The following TAF1 variants were observed in gnomAD, a reference collection of about 807,000 sequenced individuals.
TAF1 encodes TATA-box binding protein associated factor 1, also known as transcription initiation factor TFIID subunit 1.
In TAF1, 2 loss-of-function variants were observed where a neutral mutation model predicts 138.5. The observed-to-expected ratio is 0.01, with a 90% CI of 0.01 to 0.05. The LOEUF is 0.05. Among genes scored for constraint, TAF1 ranks in the 10% least tolerant of loss-of-function variants. TAF1 has a pLI of 1.00. For missense variants in TAF1, 709 were observed against 1,478.0 expected, an observed-to-expected ratio of 0.48 and a Z score of 8.53; for synonymous variants, 437 against 503.2, an observed-to-expected ratio of 0.87 and a Z score of 1.76.
chrX:71,443,528 G>T (rs2037534366), intron 32 of TAF1, among the ~76,000 whole-genome samples: 1 of 111,682 alleles, frequency 9.0e-6, no homozygotes, highest in African/African-American at 3.3e-5. Flanking sequence ...CTGAGACTTT[G>T]CTGAAGTTGC....
intron 13 of TAF1, among the ~76,000 whole-genome samples, chrX:71,490,733 T>C (rs754096610): frequency 3.8e-4 from 39 of 103,836 alleles, no homozygotes; most frequent in Middle Eastern, 9.8e-3. Flanking sequence ...CATTTTCTCT[T>C]TTTTTTTTTT....
intron 32 of TAF1, among the ~76,000 whole-genome samples, chrX:71,440,327 AAACATTTACTCATTG>A (rs2037350014): frequency 8.9e-6 from 1 of 111,895 alleles, no homozygotes; most frequent in African/African-American, 3.2e-5. Flanking sequence ...GCGTTTGTTC[AAACATTTACTCATTG>A]AAGGACATTC....
chrX:71,491,054 T>G (rs1173556978), intron 13 of TAF1: 84 of 99,844 alleles, frequency 8.4e-4, no homozygotes, highest in African/African-American at 2.7e-3. Context: ...TTTTTTTTTT[T>G]TTTTTTTTTT....
At chrX:71,427,627 G>A (rs952938578) in intron 32 of TAF1, among the ~76,000 whole-genome samples, 1 of 111,802 alleles carries the variant, frequency 8.9e-6, no homozygotes, top group Admixed American at 9.5e-5. Context: ...TAAATATTCT[G>A]TTGCACTAGT....
intron 32 of TAF1, among the ~76,000 whole-genome samples, chrX:71,428,026 T>C (rs1238167819): frequency 1.0e-5 from 1 of 98,404 alleles, no homozygotes; most frequent in Non-Finnish European, 2.1e-5. Flanking sequence ...TTTTTTTTTT[T>C]TTTTTCTGAG....
intron 8 of TAF1, among the ~76,000 whole-genome samples, chrX:71,380,708 T>C (rs1864966226): frequency 8.9e-6 from 1 of 112,349 alleles, no homozygotes; most frequent in Non-Finnish European, 1.9e-5. Flanking sequence ...ATTTTTTCTT[T>C]TTTGAGACAA....
chrX:71,409,194 C>CT (rs1184388266), intron 28 of TAF1, among the ~76,000 whole-genome samples: 113 of 103,224 alleles, frequency 1.1e-3, no homozygotes, highest in Admixed American at 2.1e-3. Context: ...ATCTGTTTGT[C>CT]TTTTTTTTTT....
chrX:71,452,039 C>G (rs1239594039), intron 32 of TAF1, among the ~76,000 whole-genome samples: 1 of 110,910 alleles, frequency 9.0e-6, no homozygotes, highest in Non-Finnish European at 1.9e-5. Context: ...CTCCTCACTT[C>G]CCAGTAGGGG....
intron 8 of TAF1, among the ~76,000 whole-genome samples, chrX:71,379,851 C>T (rs752173470): frequency 9.0e-6 from 1 of 111,426 alleles, no homozygotes; most frequent in Non-Finnish European, 1.9e-5. Flanking sequence ...ATCTACCTGC[C>T]TCAGCCTCCC....
intron 26 of TAF1, among the ~76,000 whole-genome samples, chrX:71,406,984 C>T (rs775200716): frequency 3.8e-5 from 4 of 105,740 alleles, no homozygotes; most frequent in East Asian, 3.0e-4. Context: ...GGCACAGTCT[C>T]GGCTCACTGC....
intron 13 of TAF1, among the ~76,000 whole-genome samples, chrX:71,478,882 G>T (rs974603600): frequency 1.8e-5 from 2 of 111,993 alleles, no homozygotes; most frequent in Admixed American, 9.5e-5. Context: ...TGATCCGCCC[G>T]CCTTGGCCTC....
intron 34 of TAF1, among the ~76,000 whole-genome samples, chrX:71,457,261 G>A (rs1217634217): frequency 8.9e-6 from 1 of 112,216 alleles, no homozygotes; most frequent in Non-Finnish European, 1.9e-5. Flanking sequence ...GTTGATAAAA[G>A]TAACATGTTT....
intron 32 of TAF1, among the ~76,000 whole-genome samples, chrX:71,438,187 A>G (rs2037240496): frequency 9.0e-6 from 1 of 111,124 alleles, no homozygotes; most frequent in Non-Finnish European, 1.9e-5. Flanking sequence ...AAGTTCAATC[A>G]CAGTGTAGTG....
chrX:71,508,510 C>T (rs965831137), intron 13 of TAF1, among the ~76,000 whole-genome samples: 1 of 102,711 alleles, frequency 9.7e-6, no homozygotes, highest in Non-Finnish European at 2.0e-5. Context: ...GAAGTTGAGG[C>T]AGGAGGATTG....
intron 37 of TAF1, among the ~76,000 whole-genome samples, chrX:71,462,843 A>G (rs1055783044): frequency 9.0e-6 from 1 of 111,662 alleles, no homozygotes; most frequent in African/African-American, 3.3e-5. Context: ...CAAAAAATCC[A>G]CATCTAGGAA....
At chrX:71,488,369 G>A (rs991943028) in intron 13 of TAF1, among the ~76,000 whole-genome samples, 1 of 105,070 alleles carries the variant, frequency 9.5e-6, no homozygotes, top group Non-Finnish European at 1.9e-5. Flanking sequence ...TTGGCCTCCC[G>A]AGTAGCTGGG....
chrX:71,391,147 TG>T (rs1221348631), intron 18 of TAF1, among the ~76,000 whole-genome samples: 1 of 111,815 alleles, frequency 8.9e-6, no homozygotes, highest in African/African-American at 3.2e-5. Flanking sequence ...TTTCTTCCCG[TG>T]GCACTGATCA....
chrX:71,424,850 C>T (rs1265463096), intron 32 of TAF1, among the ~76,000 whole-genome samples: 1 of 111,245 alleles, frequency 9.0e-6, no homozygotes, highest in Non-Finnish European at 1.9e-5. Flanking sequence ...GTCTCGAATT[C>T]CTGACCTCAG....
intron 14 of TAF1, chrX:71,528,762 A>G: frequency 3.4e-6 from 1 of 293,900 alleles, no homozygotes; most frequent in Non-Finnish European, 6.6e-6. Context: ...GCACAGACCC[A>G]AAGAGTGAGC....
Sources: allele counts gnomAD v4.1 joint callset (sites outside exome capture counted in the v4.1 genomes callset), GRCh38; gene constraint gnomAD v4.1.1; transcripts MANE v1.5; gene names NCBI Gene and HGNC (gene_info 2026-07-23, HGNC 2026-07-21).